Variants in HOOK1 observed in about 807,000 individuals in gnomAD.
The protein encoded by HOOK1 is hook microtubule tethering protein 1.
Under a neutral mutation model 112.8 loss-of-function variants are expected in HOOK1, and 60 were observed. The ratio of observed to expected loss-of-function variants is 0.53; its 90% CI spans 0.43 to 0.66. The LOEUF (loss-of-function observed/expected upper bound fraction) is 0.66. Ranked by LOEUF, HOOK1 falls within the 30% of genes least tolerant of loss-of-function variation. The pLI is 0.00. For synonymous variants in HOOK1, 294 were observed against 283.8 expected, an observed-to-expected ratio of 1.04 and a Z score of -0.36; for missense variants, 770 against 856.0, an observed-to-expected ratio of 0.90 and a Z score of 1.25.
intron 16 of HOOK1, chr1:59,863,884 T>C: frequency 1.1e-6 from 1 of 881,798 alleles, no homozygotes; most frequent in Non-Finnish European, 1.4e-6. Flanking sequence ...GTAACTTCTC[T>C]AATACAAATA....
At chr1:59,860,376 G>C (rs1457095270) in intron 15 of HOOK1, 48 bp downstream of exon 15, 5 of 1,463,284 alleles carry the variant, frequency 3.4e-6, no homozygotes, top group Non-Finnish European at 4.6e-6. Context: ...TTATTACCGA[G>C]CCATAAAATC....
chr1:59,822,580 T>C (rs1434114275), intron 2 of HOOK1, among the ~76,000 whole-genome samples: 1 of 152,174 alleles, frequency 6.6e-6, no homozygotes, highest in African/African-American at 2.4e-5. Context: ...GCCAACATTG[T>C]TTAAGGGTTA....
chr1:59,851,620 C>G (rs2098407188), intron 12 of HOOK1, among the ~76,000 whole-genome samples: 1 of 151,498 alleles, frequency 6.6e-6, no homozygotes, highest in Non-Finnish European at 1.5e-5. Context: ...ATTGATTTTA[C>G]TTCTTTATTT....
At chr1:59,828,130 T>G (rs1221615151) in intron 2 of HOOK1, among the ~76,000 whole-genome samples, 1 of 152,212 alleles carries the variant, frequency 6.6e-6, no homozygotes, top group African/African-American at 2.4e-5. Context: ...AGTCTATTAA[T>G]GTAGTTCACT....
In HOOK1 at chr1:59,860,179, T is replaced by G. The variant is rs371989390; in HGVS notation, c.1392-9T>G. ...AAAAATTAAAAAAGATTTTGCTTTG[T>G]AACATCAGGGAGGTGTTTATTCGAC... is the stretch of plus-strand genomic sequence containing the variant. On this transcript the variant is annotated splice_polypyrimidine_tract_variant and intron_variant, in intron 14 of 21. Coordinates refer to ENST00000371208, the MANE Select transcript of HOOK1 (RefSeq NM_015888.6). 289 of 1,560,406 alleles carry G rather than the reference T, an allele frequency of 1.9e-4. No individual in the cohort carries two copies. The highest frequency in any genetic ancestry group is 2.3e-4 in the Non-Finnish European group (266 of 1,159,536).
intron 8 of HOOK1, 42 bp downstream of exon 8, chr1:59,840,433 A>G: frequency 7.9e-7 from 1 of 1,267,592 alleles, no homozygotes; most frequent in Non-Finnish European, 1.1e-6. Flanking sequence ...TTCCTCTTTA[A>G]GTTTACAGAA....
chr1:59,841,571 G>C (rs769115830), intron 8 of HOOK1, among the ~76,000 whole-genome samples: 2 of 151,994 alleles, frequency 1.3e-5, no homozygotes, highest in Non-Finnish European at 2.9e-5. Flanking sequence ...GTTCTCCTTC[G>C]CACCTTTCCT....
At chr1:59,834,058 G>A (rs958819914) in intron 5 of HOOK1, among the ~76,000 whole-genome samples, 2 of 152,066 alleles carry the variant, frequency 1.3e-5, no homozygotes, top group African/African-American at 4.8e-5. Flanking sequence ...TCCATATTTT[G>A]CTGAGTACAA....
chr1:59,835,831 A>T (rs1352416605), intron 6 of HOOK1, among the ~76,000 whole-genome samples: 2 of 152,014 alleles, frequency 1.3e-5, no homozygotes, highest in East Asian at 1.9e-4. Flanking sequence ...TGAGAATCTA[A>T]TGCTGCCGCT....
chr1:59,836,908 T>A lies in HOOK1; in HGVS notation c.510T>A (p.Asn170Lys). 2.5e-6 allele frequency: 4 copies of A among 1,596,970 alleles called. No homozygotes were observed. The highest frequency in any genetic ancestry group is 3.4e-6 in the Non-Finnish European group (4 of 1,167,796). ...AAGAAATATTGAGCTCTCCTCCAAA[T>A]GATGCTGTTGGAGAATTGGAGCAAC... Reference protein sequence around the residue: ...MSKEILSSPPNDAVGELEQQL... With the variant: ...MSKEILSSPPKDAVGELEQQL... The change falls in exon 7 of 22, where the codon AAT (asparagine) becomes AAA (lysine). Residue 170 changes from asparagine (N) to lysine (K), a missense_variant. Coordinates refer to ENST00000371208, the MANE Select transcript of HOOK1 (RefSeq NM_015888.6).
intron 2 of HOOK1, among the ~76,000 whole-genome samples, chr1:59,823,126 C>G (rs551715149): frequency 6.6e-6 from 1 of 152,306 alleles, no homozygotes; most frequent in South Asian, 2.1e-4. Flanking sequence ...CGAGACCATC[C>G]TGGCTAACAT....
At chr1:59,864,747 T>C in intron 17 of HOOK1, 81 bp downstream of exon 17, 2 of 902,936 alleles carry the variant, frequency 2.2e-6, no homozygotes, top group Non-Finnish European at 3.5e-6. Context: ...CTTTTCGGAT[T>C]TTGTCTAGAA....
chr1:59,828,547 T>C (rs1574180482), intron 2 of HOOK1, among the ~76,000 whole-genome samples: 1 of 152,276 alleles, frequency 6.6e-6, no homozygotes, highest in East Asian at 1.9e-4. Flanking sequence ...GACTTTTGCA[T>C]CTTCCTGGTA....
chr1:59,869,202 T>C (rs1020639820), intron 20 of HOOK1, among the ~76,000 whole-genome samples: 1 of 152,134 alleles, frequency 6.6e-6, no homozygotes, highest in Non-Finnish European at 1.5e-5. Flanking sequence ...CTTTTTTTTT[T>C]TTCTTTTGAT....
At chr1:59,850,834 A>G (rs531177870) in intron 12 of HOOK1, among the ~76,000 whole-genome samples, 1 of 151,662 alleles carries the variant, frequency 6.6e-6, no homozygotes, top group South Asian at 2.1e-4. Flanking sequence ...GATAGTAATA[A>G]TAGGGGAGAC....
chr1:59,843,182 A>G (rs2098401883), intron 8 of HOOK1, among the ~76,000 whole-genome samples: 2 of 151,472 alleles, frequency 1.3e-5, no homozygotes, highest in Admixed American at 6.6e-5. Context: ...AAAGGCAGGC[A>G]TAGCATTTTA....
intron 3 of HOOK1, among the ~76,000 whole-genome samples, chr1:59,829,823 A>C (rs2098392504): frequency 6.6e-6 from 1 of 152,040 alleles, no homozygotes; most frequent in Non-Finnish European, 1.5e-5. Flanking sequence ...GGAAGCTTAA[A>C]TAATCAACTC....
Position 59,858,988 on chromosome 1 carries a change from C to T in HOOK1, c.1334C>T (p.Ala445Val), listed in dbSNP as rs950382258. 2 of 1,549,680 alleles carry T rather than the reference C, an allele frequency of 1.3e-6. No homozygotes were observed. The highest frequency in any genetic ancestry group is 1.7e-5 in the Admixed American group (1 of 58,392). The change falls in exon 14 of 22, where the codon GCA becomes GTA. Residue 445 changes from alanine (A) to valine (V), a missense_variant. Around this residue, in one of 3 missense-constraint regions of HOOK1, gnomAD observed 655 missense variants for 725.9 expected, o/e 0.90. Transcript: ENST00000371208. ...VQQDHLNQTD[A>V]SATKSYENLA... ...TTTATTTTTTGTTATTTTTTAGATG[C>T]ATCTGCTACAAAAAGTTATGAGAAT...
At chr1:59,858,254 A>G (rs973067758) in intron 12 of HOOK1, among the ~76,000 whole-genome samples, 174 bp from the exon 13 acceptor site, 4 of 152,328 alleles carry the variant, frequency 2.6e-5, no homozygotes, top group Admixed American at 2.0e-4. Flanking sequence ...AAAACCATGT[A>G]TAAAGACACA....
Sources: allele counts gnomAD v4.1 joint callset (sites outside exome capture counted in the v4.1 genomes callset), GRCh38; gene constraint gnomAD v4.1.1; regional missense constraint gnomAD v4.1.1; transcripts MANE v1.5; gene names NCBI Gene and HGNC (gene_info 2026-07-23, HGNC 2026-07-21).